Variants in UNC80 observed in about 807,000 individuals in gnomAD.
The protein encoded by UNC80 is protein unc-80 homolog.
A neutral mutation model predicts 384.6 loss-of-function variants in UNC80; 164 were observed. The ratio of observed to expected loss-of-function variants is 0.43; its 90% CI spans 0.38 to 0.49. UNC80 has a LOEUF of 0.49. UNC80 is among the 20% of genes least tolerant of loss of function. The pLI is 0.00. For missense variants in UNC80, 3,330 were observed against 4,143.0 expected (o/e 0.80, Z 5.39); for synonymous variants, 1,486 against 1,527.8 (o/e 0.97, Z 0.64).
chr2:209,820,133 A>G (rs2080033756), intron 12 of UNC80, among the ~76,000 whole-genome samples, 178 bp from the exon 13 acceptor site: 2 of 152,228 alleles, frequency 1.3e-5, no homozygotes, highest in Admixed American at 6.5e-5. Flanking sequence ...CGCTCTATTA[A>G]GTAAATACAC....
intron 7 of UNC80, among the ~76,000 whole-genome samples, chr2:209,811,304 C>T (rs186793783): frequency 6.6e-6 from 1 of 152,138 alleles, no homozygotes; most frequent in Non-Finnish European, 1.5e-5. Flanking sequence ...GAATGGTAAA[C>T]CCAGCCAGAC....
At chr2:209,821,324 A>T (rs2080120211) in intron 13 of UNC80, among the ~76,000 whole-genome samples, 1 of 152,182 alleles carries the variant, frequency 6.6e-6, no homozygotes, top group East Asian at 1.9e-4. Flanking sequence ...GACCTCACTT[A>T]ACCCTAATTA....
At chr2:209,957,555 G>A (rs1416161709) in intron 48 of UNC80, 89 bp from the exon 49 acceptor site, 2 of 1,176,948 alleles carry the variant, frequency 1.7e-6, no homozygotes, top group Non-Finnish European at 2.4e-6. Flanking sequence ...TAAAACTTAT[G>A]TGTGCTTCAG....
intron 7 of UNC80, chr2:209,808,696 T>C (rs1275928905): frequency 1.9e-5 from 2 of 106,556 alleles, no homozygotes; most frequent in South Asian, 5.9e-4. Flanking sequence ...CTGGAGTACT[T>C]AAGGGAGTTG....
At chr2:209,960,458 T>C (rs1384817218) in intron 51 of UNC80, among the ~76,000 whole-genome samples, 1 of 152,196 alleles carries the variant, frequency 6.6e-6, no homozygotes, top group East Asian at 1.9e-4. Flanking sequence ...TAATTGTTTG[T>C]TAAGGGTGAT....
At chr2:209,783,628 A>G (rs916684320) in intron 4 of UNC80, among the ~76,000 whole-genome samples, 1 of 152,184 alleles carries the variant, frequency 6.6e-6, no homozygotes, top group Admixed American at 6.5e-5. Context: ...GATGACCATG[A>G]CAGTCAGTGA....
At chr2:209,844,355 C>T (rs1042199107) in intron 21 of UNC80, among the ~76,000 whole-genome samples, 1 of 152,018 alleles carries the variant, frequency 6.6e-6, no homozygotes, top group African/African-American at 2.4e-5. Flanking sequence ...GTGAATATTT[C>T]TTCTTTTTTC....
chr2:209,864,636 G>A (rs1473910680), intron 22 of UNC80, among the ~76,000 whole-genome samples: 1 of 152,190 alleles, frequency 6.6e-6, no homozygotes, highest in Non-Finnish European at 1.5e-5. Flanking sequence ...GAGGCACTCT[G>A]GCCGCAGACT....
chr2:209,993,933 A>G, intron 63 of UNC80, 132 bp from the exon 64 acceptor site: 1 of 793,188 alleles, frequency 1.3e-6, no homozygotes, highest in South Asian at 2.1e-5. Context: ...ACGTGCTCTC[A>G]TTTATTAATA....
chr2:209,964,217 A>C (rs2092679499), intron 51 of UNC80, among the ~76,000 whole-genome samples: 1 of 152,100 alleles, frequency 6.6e-6, no homozygotes, highest in Non-Finnish European at 1.5e-5. Context: ...TTACCACTGC[A>C]CTACTCCTAA....
At chr2:209,962,647 G>A (rs1246382490) in intron 51 of UNC80, among the ~76,000 whole-genome samples, 4 of 152,082 alleles carry the variant, frequency 2.6e-5, no homozygotes, top group Admixed American at 1.3e-4. Flanking sequence ...TATTGCTCAG[G>A]GAATATTTAG....
intron 7 of UNC80, chr2:209,809,290 C>G (rs2079157288): frequency 4.0e-6 from 3 of 753,980 alleles, no homozygotes; most frequent in Non-Finnish European, 7.4e-6. Context: ...CCTGGGTGCC[C>G]TCAAGAAACA....
intron 22 of UNC80, among the ~76,000 whole-genome samples, chr2:209,869,579 A>G (rs2084122127): frequency 6.6e-6 from 1 of 152,192 alleles, no homozygotes; most frequent in Non-Finnish European, 1.5e-5. Flanking sequence ...CATCTTAAAT[A>G]TAGAATTTCT....
intron 25 of UNC80, among the ~76,000 whole-genome samples, chr2:209,883,545 C>A (rs773815671): frequency 1.3e-5 from 2 of 151,674 alleles, no homozygotes; most frequent in Admixed American, 6.6e-5. Context: ...ATTCTCCTGC[C>A]TCAGCCTCCC....
intron 26 of UNC80, among the ~76,000 whole-genome samples, chr2:209,890,023 AG>A (rs1257241241): frequency 2.0e-5 from 3 of 152,124 alleles, no homozygotes; most frequent in Non-Finnish European, 2.9e-5. Flanking sequence ...TTATTGAAAA[AG>A]GACATTCAGA....
intron 31 of UNC80, 75 bp downstream of exon 31, chr2:209,914,015 T>G: frequency 6.9e-7 from 1 of 1,456,232 alleles, no homozygotes; most frequent in Non-Finnish European, 9.1e-7. Context: ...ATAAGAGAGG[T>G]GTTTCCATTC....
chr2:209,954,756 A>C (rs1307016354), intron 48 of UNC80, among the ~76,000 whole-genome samples: 1 of 152,228 alleles, frequency 6.6e-6, no homozygotes, highest in Non-Finnish European at 1.5e-5. Flanking sequence ...TAACCAATAT[A>C]AACAGCAGAA....
chr2:209,941,593 ATCT>A, intron 44 of UNC80, 104 bp downstream of exon 44: 2 of 1,265,400 alleles, frequency 1.6e-6, no homozygotes, highest in South Asian at 2.2e-5. Context: ...TGGTGTTATC[ATCT>A]TCTTTTGTGA....
intron 6 of UNC80, among the ~76,000 whole-genome samples, chr2:209,790,825 A>G (rs1339582636): frequency 6.6e-6 from 1 of 152,212 alleles, no homozygotes; most frequent in Non-Finnish European, 1.5e-5. Context: ...AAATATAATT[A>G]AAAAGCTGTG....
Sources: allele counts gnomAD v4.1 joint callset (sites outside exome capture counted in the v4.1 genomes callset), GRCh38; gene constraint gnomAD v4.1.1; transcripts MANE v1.5; gene names NCBI Gene and HGNC (gene_info 2026-07-23, HGNC 2026-07-21).